Variants in PLA2R1 observed in about 807,000 individuals in gnomAD.
PLA2R1 encodes phospholipase A2 receptor 1.
A neutral mutation model predicts 195.9 loss-of-function variants in PLA2R1; 158 were observed. The observed-to-expected ratio is 0.81, with a 90% confidence interval of 0.71 to 0.92. PLA2R1 has a LOEUF of 0.92. Ranked by LOEUF, PLA2R1 falls within the 40% of genes least tolerant of loss-of-function variation. The pLI, the probability that PLA2R1 is intolerant of heterozygous loss-of-function variation, is 0.00. For missense variants in PLA2R1, 1,626 were observed against 1,764.6 expected (o/e 0.92, Z 1.41); for synonymous variants, 586 against 598.2 (o/e 0.98, Z 0.30).
At position 159,934,831 on chromosome 2, in the gene PLA2R1, C is replaced by A. The variant is rs1488244727; in HGVS notation, c.*6947G>T. Reference sequence around the variant, plus strand: ...CAAAACAAAGAAACTAATACTGGTACAATACTATTAATTAAACCATAGACT... The same window carrying A: ...CAAAACAAAGAAACTAATACTGGTAAAATACTATTAATTAAACCATAGACT... On this transcript the variant is annotated 3_prime_UTR_variant, in exon 30 of 30. Coordinates refer to ENST00000283243, the MANE Select transcript of PLA2R1 (RefSeq NM_007366.5). 1 of 152,250 alleles carries A rather than the reference C, an allele frequency of 6.6e-6. No homozygotes were observed. The highest frequency in any genetic ancestry group is 1.5e-5 in the Non-Finnish European group (1 of 68,010). 9.4% of individuals were successfully genotyped at this position (152,250 alleles called of 1,614,324 possible).
chr2:159,966,179 T>C (rs1175675942), intron 20 of PLA2R1, among the ~76,000 whole-genome samples: 4 of 152,218 alleles, frequency 2.6e-5, no homozygotes, highest in Admixed American at 2.6e-4. Flanking sequence ...AAACAAAATG[T>C]AGTATATCCA....
intron 17 of PLA2R1, among the ~76,000 whole-genome samples, chr2:159,971,315 A>C (rs1189217910): frequency 3.9e-5 from 6 of 152,312 alleles, no homozygotes; most frequent in Non-Finnish European, 8.8e-5. Context: ...AAGGTAGTAA[A>C]AATTAGTAAG....
At chr2:160,014,900 G>A (rs1193695816) in intron 9 of PLA2R1, among the ~76,000 whole-genome samples, 4 of 152,274 alleles carry the variant, frequency 2.6e-5, no homozygotes, top group African/African-American at 9.6e-5. Flanking sequence ...TCCTGTACTT[G>A]GAAGGACAGG....
intron 20 of PLA2R1, among the ~76,000 whole-genome samples, chr2:159,963,637 G>A (rs1358815496): frequency 6.6e-6 from 1 of 152,120 alleles, no homozygotes. Context: ...CACATGAAAC[G>A]ATGCTCAACT....
chr2:159,932,241 C>G lies in PLA2R1; in HGVS notation c.*9537G>C, dbSNP rs935798456. ...TGGTCAGGAGGGTCTGCTTCGTTCACGCACTGTCTGTTTGGTAGTGTGCAG... is the reference window on the plus strand; with the variant it reads ...TGGTCAGGAGGGTCTGCTTCGTTCAGGCACTGTCTGTTTGGTAGTGTGCAG... On this transcript the variant is annotated 3_prime_UTR_variant, in exon 30 of 30. Transcript: ENST00000283243. 6.6e-6 allele frequency: 1 copy of G among 152,256 alleles called. No homozygotes were observed. The allele number at this position is 152,256 out of a possible 1,614,324, so 9.4% of individuals were successfully genotyped here.
rs571712076 is a variant in PLA2R1 at position 160,024,809 on chromosome 2, T to A, written c.1100-1950A>T. Among the ~76,000 whole-genome samples, 3 of 152,298 alleles carry A rather than the reference T, an allele frequency of 2.0e-5. No individual in the cohort carries two copies. In the East Asian group the frequency reaches 5.8e-4, roughly 29 times the overall value. On this transcript the variant is annotated intron_variant, in intron 6 of 29. Transcript: ENST00000283243. ...GGAACTGGACTAGTCCCACAAAGCC[T>A]GAACTGCTGAGGCACCCCACCTTCC...
chr2:159,945,909 CATATAT>C, intron 27 of PLA2R1: 30 of 837,334 alleles, frequency 3.6e-5, no homozygotes, highest in Non-Finnish European at 4.0e-5. Context: ...TGAAATATTC[CATATAT>C]ATATATAATC....
rs767141649 is a variant in PLA2R1 at position 159,941,856 on chromosome 2, G to A, written c.4314C>T (p.Tyr1438=). The A allele has an allele frequency of 1.2e-6, 2 of 1,612,718 alleles. No homozygotes were observed. Among genetic ancestry groups the A allele is most frequent in the Non-Finnish European group, 1.7e-6 (2 of 1,178,848 alleles). ...CTGTACTAAAGTTGGTTGCAGGATA[G>A]TAAGGATTCCGAAACCCTGCAAGTC... ...FRRLAGFRNP[Y]YPATNFSTVY... is the part of the protein sequence containing the mutation. Residue 1438 remains tyrosine, a synonymous_variant, in exon 30 of 30, where the codon TAC becomes TAT. Coordinates refer to ENST00000283243, the MANE Select transcript of PLA2R1 (RefSeq NM_007366.5).
At chr2:160,030,498 A>C (rs1693786684) in intron 4 of PLA2R1, among the ~76,000 whole-genome samples, 1 of 152,230 alleles carries the variant, frequency 6.6e-6, no homozygotes. Context: ...TAAAACGTTA[A>C]TTATTCTTAT....
At chr2:159,997,737 C>CAGG (rs1189747883) in intron 11 of PLA2R1, among the ~76,000 whole-genome samples, 4 of 152,216 alleles carry the variant, frequency 2.6e-5, no homozygotes, top group African/African-American at 9.6e-5. Flanking sequence ...GTTTCTGATC[C>CAGG]AGGAAGCTGT....
chr2:159,969,853 A>T (rs1223815753), intron 18 of PLA2R1, among the ~76,000 whole-genome samples: 1 of 152,162 alleles, frequency 6.6e-6, no homozygotes, highest in Non-Finnish European at 1.5e-5. Flanking sequence ...AAGAGGGTAG[A>T]TTTTATGTTA....
intron 4 of PLA2R1, among the ~76,000 whole-genome samples, chr2:160,031,762 TTATTTA>T (rs1480603476): frequency 6.6e-6 from 1 of 152,160 alleles, no homozygotes; most frequent in Admixed American, 6.5e-5. Context: ...TTTTTATTTT[TTATTTA>T]TGTATTTATG....
At chr2:159,962,249 G>T (rs1475143032) in intron 20 of PLA2R1, among the ~76,000 whole-genome samples, 1 of 152,114 alleles carries the variant, frequency 6.6e-6, no homozygotes, top group East Asian at 1.9e-4. Flanking sequence ...CTTCTCAAAA[G>T]AAGACATTAT....
chr2:159,973,603 A>C (rs1400135839), intron 17 of PLA2R1, among the ~76,000 whole-genome samples: 1 of 152,060 alleles, frequency 6.6e-6, no homozygotes, highest in African/African-American at 2.4e-5. Context: ...AAATCTGCCA[A>C]TGCCTAGATC....
chr2:160,034,371 GC>G (rs1346685244), intron 3 of PLA2R1, among the ~76,000 whole-genome samples: 1 of 152,140 alleles, frequency 6.6e-6, no homozygotes, highest in Non-Finnish European at 1.5e-5. Flanking sequence ...AGAAGACAAG[GC>G]TATCACCAAG....
At chr2:160,030,270 C>T (rs1693775271) in intron 4 of PLA2R1, among the ~76,000 whole-genome samples, 1 of 152,218 alleles carries the variant, frequency 6.6e-6, no homozygotes, top group Non-Finnish European at 1.5e-5. Context: ...AAACAGCATA[C>T]TATACACGGG....
At chr2:160,058,358 C>T (rs1695713176) in intron 1 of PLA2R1, among the ~76,000 whole-genome samples, 1 of 152,146 alleles carries the variant, frequency 6.6e-6, no homozygotes, top group South Asian at 2.1e-4. Context: ...CACTCATCTG[C>T]ACCCTCACCT....
chr2:159,930,423 G>C (rs1411355692), downstream of PLA2R1, among the ~76,000 whole-genome samples: 3 of 141,034 alleles, frequency 2.1e-5, no homozygotes, highest in African/African-American at 7.7e-5. Context: ...AAAAAAAAAA[G>C]ACTACACATT....
chr2:160,016,797 T>C (rs372440853), intron 8 of PLA2R1, 85 bp from the exon 9 acceptor site: 6 of 700,236 alleles, frequency 8.6e-6, no homozygotes, highest in Admixed American at 4.5e-5. Flanking sequence ...AAAAATATGA[T>C]GAATAATGTG....
Sources: gnomAD v4.1 joint callset for allele counts (sites outside exome capture counted in the v4.1 genomes callset) on GRCh38, gnomAD v4.1.1 for gene constraint, MANE v1.5 for transcripts, NCBI Gene and HGNC (gene_info 2026-07-23, HGNC 2026-07-21) for gene names.